Variants in COL25A1 observed in about 807,000 individuals in gnomAD.
COL25A1 encodes the protein collagen type XXV alpha 1 chain.
Under a neutral mutation model 128.4 loss-of-function variants are expected in COL25A1, and 103 were observed. That is an observed-to-expected ratio of 0.80 (90% CI 0.68 to 0.94). COL25A1 has a LOEUF of 0.94. COL25A1 is among the 40% of genes least tolerant of loss of function. COL25A1 has a pLI of 0.00. For synonymous variants in COL25A1, 279 were observed against 277.2 expected, an observed-to-expected ratio of 1.01 and a Z score of -0.06; for missense variants, 745 against 840.0, an observed-to-expected ratio of 0.89 and a Z score of 1.40.
chr4:109,030,665 T>C (rs1758761143), intron 5 of COL25A1, among the ~76,000 whole-genome samples: 2 of 152,338 alleles, frequency 1.3e-5, no homozygotes, highest in South Asian at 2.1e-4. Flanking sequence ...CAGTCATTCC[T>C]CATATCAACA....
chr4:109,011,393 G>A (rs755704703), intron 5 of COL25A1, among the ~76,000 whole-genome samples: 4 of 148,860 alleles, frequency 2.7e-5, no homozygotes, highest in Non-Finnish European at 5.9e-5. Context: ...TAGAACAGAT[G>A]ATTTCCAAGA....
intron 3 of COL25A1, among the ~76,000 whole-genome samples, chr4:109,112,582 C>T (rs1320258913): frequency 6.6e-6 from 1 of 151,660 alleles, no homozygotes; most frequent in African/African-American, 2.4e-5. Flanking sequence ...AATATATCTC[C>T]TCAGTTTATA....
At chr4:109,033,304 G>A (rs1442836220) in intron 5 of COL25A1, among the ~76,000 whole-genome samples, 2 of 152,240 alleles carry the variant, frequency 1.3e-5, no homozygotes, top group African/African-American at 4.8e-5. Flanking sequence ...ACCTGGTTGT[G>A]CCATTAGGCA....
At chr4:109,178,634 C>T (rs1485993852) in intron 3 of COL25A1, among the ~76,000 whole-genome samples, 1 of 151,872 alleles carries the variant, frequency 6.6e-6, no homozygotes, top group Non-Finnish European at 1.5e-5. Flanking sequence ...ACTATCCTGG[C>T]TAACATGGTG....
chr4:108,822,637 A>G (rs1015118447), intron 35 of COL25A1, among the ~76,000 whole-genome samples: 11 of 152,114 alleles, frequency 7.2e-5, no homozygotes, highest in Admixed American at 3.9e-4. Context: ...GGTTGCCCAG[A>G]CTAGTGTTGA....
At chr4:109,260,829 T>C (rs1781398795) in intron 3 of COL25A1, among the ~76,000 whole-genome samples, 2 of 151,978 alleles carry the variant, frequency 1.3e-5, no homozygotes, top group South Asian at 4.1e-4. Flanking sequence ...AAAAGTTTTA[T>C]ATTAATTTCA....
chr4:108,958,545 T>C (rs1750329705), intron 8 of COL25A1, among the ~76,000 whole-genome samples: 1 of 151,998 alleles, frequency 6.6e-6, no homozygotes, highest in South Asian at 2.1e-4. Context: ...AAAAAACCTC[T>C]AGGAAATTCT....
At chr4:109,183,916 CCAA>C (rs1306987788) in intron 3 of COL25A1, among the ~76,000 whole-genome samples, 1 of 142,650 alleles carries the variant, frequency 7.0e-6, no homozygotes, top group Non-Finnish European at 1.5e-5. Flanking sequence ...AAAACACACA[CCAA>C]CTTCAAAAAA....
At chr4:108,829,720 T>G (rs1428098139) in intron 32 of COL25A1, among the ~76,000 whole-genome samples, 1 of 152,200 alleles carries the variant, frequency 6.6e-6, no homozygotes, top group East Asian at 1.9e-4. Flanking sequence ...GAAACTACTC[T>G]TCTAGAACAG....
intron 3 of COL25A1, among the ~76,000 whole-genome samples, chr4:109,072,616 TC>T (rs1763063548): frequency 6.6e-6 from 1 of 152,150 alleles, no homozygotes; most frequent in Non-Finnish European, 1.5e-5. Context: ...ACCACTTCTG[TC>T]CTTTCTAAGG....
chr4:109,132,825 C>T (rs900922227), intron 3 of COL25A1, among the ~76,000 whole-genome samples: 3 of 151,942 alleles, frequency 2.0e-5, no homozygotes, highest in African/African-American at 4.8e-5. Flanking sequence ...TTCCATATTA[C>T]TTTGTGGAAA....
intron 6 of COL25A1, among the ~76,000 whole-genome samples, chr4:108,985,302 C>T (rs1753560499): frequency 6.6e-6 from 1 of 152,174 alleles, no homozygotes; most frequent in African/African-American, 2.4e-5. Flanking sequence ...CAATCATTCC[C>T]ATTACCTTGG....
chr4:108,868,690 C>T (rs1204927530), intron 20 of COL25A1, among the ~76,000 whole-genome samples: 14 of 106,404 alleles, frequency 1.3e-4, no homozygotes, highest in African/African-American at 3.4e-4. Flanking sequence ...GGAAGGGAAG[C>T]GAAGGGAAGG....
At chr4:108,947,909 G>A (rs1748964353) in intron 8 of COL25A1, among the ~76,000 whole-genome samples, 1 of 152,044 alleles carries the variant, frequency 6.6e-6, no homozygotes, top group Non-Finnish European at 1.5e-5. Context: ...AAGTCATATT[G>A]AAAGAAAAAA....
intron 3 of COL25A1, among the ~76,000 whole-genome samples, chr4:109,242,388 C>A (rs1779951726): frequency 6.6e-6 from 1 of 152,086 alleles, no homozygotes. Flanking sequence ...GCAATAAACA[C>A]ACATACCAAC....
chr4:109,300,181 CAAAAA>C (rs11404203), intron 3 of COL25A1, among the ~76,000 whole-genome samples: 3 of 125,984 alleles, frequency 2.4e-5, no homozygotes, highest in Non-Finnish European at 5.3e-5. Flanking sequence ...TAAACCAAAA[CAAAAA>C]AAAAAAAAAA....
At chr4:109,084,864 T>C (rs1230216258) in intron 3 of COL25A1, among the ~76,000 whole-genome samples, 2 of 152,226 alleles carry the variant, frequency 1.3e-5, no homozygotes, top group African/African-American at 2.4e-5. Context: ...TTTGTTTTTG[T>C]TTTTTCAAAT....
intron 6 of COL25A1, among the ~76,000 whole-genome samples, chr4:108,983,217 A>C (rs1481218209): frequency 6.6e-6 from 1 of 152,210 alleles, no homozygotes. Flanking sequence ...TAAGAGGTCA[A>C]ATAAAATGAA....
chr4:108,942,171 C>T (rs941064057), intron 8 of COL25A1: 16 of 1,542,722 alleles, frequency 1.0e-5, no homozygotes, highest in African/African-American at 4.1e-5. Context: ...ATGCTGATTG[C>T]ATTTCTGACT....
Sources: gnomAD v4.1 joint callset for allele counts (sites outside exome capture counted in the v4.1 genomes callset) on GRCh38, gnomAD v4.1.1 for gene constraint, MANE v1.5 for transcripts, NCBI Gene and HGNC (gene_info 2026-07-23, HGNC 2026-07-21) for gene names.